The following RHAG variants were observed in gnomAD, a reference collection of about 807,000 sequenced individuals.
The protein encoded by RHAG is Rh associated glycoprotein.
Under a neutral mutation model 42.4 loss-of-function variants are expected in RHAG, and 25 were observed. The ratio of observed to expected loss-of-function variants is 0.59; its 90% CI spans 0.43 to 0.82. The LOEUF is 0.82. Among genes scored for constraint, RHAG ranks in the 40% least tolerant of loss-of-function variants. The pLI is 0.00. For synonymous variants in RHAG, 182 were observed against 177.7 expected, an observed-to-expected ratio of 1.02 and a Z score of -0.19; for missense variants, 483 against 504.6, an observed-to-expected ratio of 0.96 and a Z score of 0.41.
At chr6:49,625,510 A>G (rs2127356285) in intron 1 of RHAG, among the ~76,000 whole-genome samples, 1 of 152,330 alleles carries the variant, frequency 6.6e-6, no homozygotes, top group East Asian at 1.9e-4. Flanking sequence ...TGGTTTTATT[A>G]TAATTTAAAA....
intron 1 of RHAG, among the ~76,000 whole-genome samples, chr6:49,622,866 C>T (rs1180469306): frequency 7.2e-6 from 1 of 139,198 alleles, no homozygotes; most frequent in East Asian, 2.1e-4. Context: ...GACGGAGTCT[C>T]GCTCTGTCGC....
chr6:49,636,837 A>G lies in RHAG; in HGVS notation c.-25T>C. ...TGTTTGTGGCAAAGGACAGAGGCAC[A>G]CTGAGAGCTTCACAGGCTGTGAGAT... On this transcript the variant is annotated 5_prime_UTR_variant, in exon 1 of 10. Coordinates refer to ENST00000371175, the MANE Select transcript of RHAG (RefSeq NM_000324.3). 2.5e-6 allele frequency: 4 copies of G among 1,613,266 alleles called. No homozygotes were observed. The South Asian group carries it at 4.4e-5, about 18-fold the overall frequency.
intron 1 of RHAG, among the ~76,000 whole-genome samples, chr6:49,622,830 C>CA (rs1762783778): frequency 7.7e-6 from 1 of 130,116 alleles, no homozygotes; most frequent in Non-Finnish European, 1.6e-5. Context: ...GAAAACCAGA[C>CA]TTTTTTTTTT....
chr6:49,630,581 C>T (rs1208728475), intron 1 of RHAG, among the ~76,000 whole-genome samples: 2 of 152,160 alleles, frequency 1.3e-5, no homozygotes, highest in Non-Finnish European at 2.9e-5. Context: ...GCAGTATCTT[C>T]CTTCCTCCCT....
intron 1 of RHAG, among the ~76,000 whole-genome samples, chr6:49,632,832 A>G (rs1762953941): frequency 6.6e-6 from 1 of 152,170 alleles, no homozygotes; most frequent in African/African-American, 2.4e-5. Context: ...TAGTCCGTCT[A>G]CATGTTAGCA....
chr6:49,612,148 G>A (rs1762579112), intron 6 of RHAG, among the ~76,000 whole-genome samples: 1 of 152,120 alleles, frequency 6.6e-6, no homozygotes, highest in Admixed American at 6.5e-5. Context: ...TAATGGCCAT[G>A]TACTTAACAT....
chr6:49,615,842 A>G (rs989562894), intron 3 of RHAG, 71 bp from the exon 4 acceptor site: 92 of 1,444,526 alleles, frequency 6.4e-5, no homozygotes, highest in Non-Finnish European at 8.7e-5. Flanking sequence ...AAAGTCAATG[A>G]AAGAATTGCA....
At chr6:49,630,760 A>G (rs1762923612) in intron 1 of RHAG, among the ~76,000 whole-genome samples, 1 of 152,204 alleles carries the variant, frequency 6.6e-6, no homozygotes, top group African/African-American at 2.4e-5. Context: ...TCTAAATACC[A>G]TAATATCAGC....
chr6:49,633,888 T>G (rs1217719229), intron 1 of RHAG, among the ~76,000 whole-genome samples: 1 of 152,172 alleles, frequency 6.6e-6, no homozygotes, highest in Non-Finnish European at 1.5e-5. Context: ...CAGATGTGTC[T>G]GGTCACATAT....
chr6:49,634,840 C>T (rs2127359708), intron 1 of RHAG, among the ~76,000 whole-genome samples: 1 of 151,710 alleles, frequency 6.6e-6, no homozygotes, highest in Non-Finnish European at 1.5e-5. Context: ...CAATTATATA[C>T]ATTTGAGGTA....
intron 4 of RHAG, 32 bp from the exon 5 acceptor site, chr6:49,614,885 C>T: frequency 6.3e-7 from 1 of 1,598,182 alleles, no homozygotes; most frequent in Non-Finnish European, 8.6e-7. Context: ...GATATTAGTT[C>T]TGAATATGGA....
chr6:49,628,763 C>T (rs2127357553), intron 1 of RHAG, among the ~76,000 whole-genome samples: 1 of 152,058 alleles, frequency 6.6e-6, no homozygotes, highest in Non-Finnish European at 1.5e-5. Context: ...GTTGTTCGTT[C>T]CTCCCGGTGG....
chr6:49,612,048 C>T (rs921816047), intron 6 of RHAG, among the ~76,000 whole-genome samples: 7 of 152,082 alleles, frequency 4.6e-5, no homozygotes, highest in African/African-American at 7.2e-5. Context: ...CATGCTTGGC[C>T]GACATCCTAA....
intron 9 of RHAG, among the ~76,000 whole-genome samples, chr6:49,606,148 G>A (rs909879167): frequency 6.6e-6 from 1 of 152,194 alleles, no homozygotes. Context: ...ATAGAAAGAG[G>A]CTGATGTTTC....
chr6:49,605,943 T>C, intron 9 of RHAG, 113 bp from the exon 10 acceptor site: 2 of 904,006 alleles, frequency 2.2e-6, no homozygotes, highest in Non-Finnish European at 3.7e-6. Context: ...TGGAAAGAAC[T>C]GGGAATAAAA....
At chr6:49,609,867 T>G (rs1396005017) in intron 7 of RHAG, among the ~76,000 whole-genome samples, 2 of 152,216 alleles carry the variant, frequency 1.3e-5, no homozygotes, top group Non-Finnish European at 2.9e-5. Flanking sequence ...GATTTAAAAA[T>G]TGAGCATTCT....
intron 1 of RHAG, among the ~76,000 whole-genome samples, chr6:49,628,351 T>C (rs1411045543): frequency 6.6e-6 from 1 of 152,104 alleles, no homozygotes; most frequent in East Asian, 1.9e-4. Flanking sequence ...CACTATGTTT[T>C]CCATGCTGAT....
intron 1 of RHAG, among the ~76,000 whole-genome samples, chr6:49,631,699 T>C (rs914476559): frequency 2.6e-5 from 4 of 152,218 alleles, no homozygotes; most frequent in Non-Finnish European, 5.9e-5. Flanking sequence ...ATCCAAGGTC[T>C]TAGTTCTATT....
chr6:49,630,646 CACTT>C (rs1223701630), intron 1 of RHAG, among the ~76,000 whole-genome samples: 22 of 152,236 alleles, frequency 1.4e-4, no homozygotes, highest in Non-Finnish European at 2.9e-4. Context: ...ATACAATAAA[CACTT>C]ACATACTATT....
Sources: allele counts gnomAD v4.1 joint callset (sites outside exome capture counted in the v4.1 genomes callset), GRCh38; gene constraint gnomAD v4.1.1; transcripts MANE v1.5; gene names NCBI Gene and HGNC (gene_info 2026-07-23, HGNC 2026-07-21).